MTERF2: variants seen among roughly 807,000 people sequenced by gnomAD.
MTERF2 encodes transcription termination factor 2, mitochondrial.
MTERF2 carries 23 observed loss-of-function variants against 29.2 expected under a neutral mutation model. The observed-to-expected ratio is 0.79, with a 90% CI of 0.57 to 1.12. The LOEUF is 1.12. MTERF2 is among the 50% of genes most tolerant of loss of function. The probability of loss-of-function intolerance (pLI) is 0.00; values close to 1 mark genes in which losing one functional copy is unlikely to be tolerated. For missense variants in MTERF2, 440 were observed against 429.4 expected, an observed-to-expected ratio of 1.02 and a Z score of -0.22; for synonymous variants, 157 against 159.5, an observed-to-expected ratio of 0.98 and a Z score of 0.12.
chr12:106,984,232 C>T (rs913218069), intron 2 of MTERF2, among the ~76,000 whole-genome samples: 3 of 152,154 alleles, frequency 2.0e-5, no homozygotes, highest in Non-Finnish European at 4.4e-5. Context: ...GCCATCACTC[C>T]ACTGCTCTTC....
rs758357195 is a variant in MTERF2 at position 106,978,146 on chromosome 12, A to T, written c.569T>A (p.Ile190Asn). The T allele has an allele frequency of 6.2e-6, 10 of 1,613,960 alleles. No individual in the cohort carries two copies. In the African/African-American group the frequency reaches 1.2e-4, roughly 19 times the overall value. ...TACATCTAGATAACTCTCTTGGAGA[A>T]TTCTTACCATTTGCTTATTCTTCTC... ...PVEKNKQMVR[I>N]LQESYLDVGG... Residue 190 changes from isoleucine (I) to asparagine (N), a missense_variant, in exon 3 of 3, where the codon ATT becomes AAT. Transcript: ENST00000240050.
chr12:106,983,778 C>T (rs989206534), intron 2 of MTERF2, among the ~76,000 whole-genome samples: 2 of 152,130 alleles, frequency 1.3e-5, no homozygotes, highest in Non-Finnish European at 1.5e-5. Flanking sequence ...TAGCTTTTGT[C>T]TCTAATTTGC....
intron 2 of MTERF2, among the ~76,000 whole-genome samples, chr12:106,982,680 T>G (rs1000264003): frequency 6.6e-6 from 1 of 152,226 alleles, no homozygotes; most frequent in Non-Finnish European, 1.5e-5. Context: ...TTTAGGCTAT[T>G]TGTAATTTTT....
chr12:106,978,400 A>G lies in MTERF2; in HGVS notation c.315T>C (p.Ile105=). 2 of 1,614,214 alleles carry G rather than the reference A, an allele frequency of 1.2e-6. No individual in the cohort carries two copies. Among genetic ancestry groups the G allele is most frequent in the Non-Finnish European group, 8.5e-7 (1 of 1,180,026 alleles). Residue 105 remains isoleucine, a synonymous_variant, in exon 3 of 3, where the codon ATT becomes ATC. Coordinates refer to ENST00000240050, the MANE Select transcript of MTERF2 (RefSeq NM_001033050.3). The part of the protein sequence containing the change: ...ASILERCPEA[I]VCSPTAVNTQ... ...TGTTAACAGCGGTTGGACTACAGACAATTGCTTCCGGGCAGCGTTCCAAAA... is the reference window on the plus strand; with the variant it reads ...TGTTAACAGCGGTTGGACTACAGACGATTGCTTCCGGGCAGCGTTCCAAAA...
At chr12:106,980,110 A>C (rs1368033075) in intron 2 of MTERF2, among the ~76,000 whole-genome samples, 1 of 152,058 alleles carries the variant, frequency 6.6e-6, no homozygotes, top group African/African-American at 2.4e-5. Flanking sequence ...GTTGGCCAGG[A>C]TGGTCTCGAT....
chr12:106,982,836 T>C lies in MTERF2; in HGVS notation c.-58+2279A>G, dbSNP rs926306936. 4.6e-5 allele frequency among the ~76,000 whole-genome samples: 7 copies of C among 152,352 alleles called. 1 individual carries two copies. Among genetic ancestry groups the C allele is most frequent in the Admixed American group, 6.5e-5 (1 of 15,304 alleles). ...TCCTGTCAGGAAAAACTATCTCAGT[T>C]GACATTCTCACAGGCAGTATGAGTG... On this transcript the variant is annotated intron_variant, in intron 2 of 2. Coordinates refer to ENST00000240050, the MANE Select transcript of MTERF2 (RefSeq NM_001033050.3).
In MTERF2 at chr12:106,977,584, A is replaced by G. The variant is rs1402174691; in HGVS notation, c.1131T>C (p.Pro377=). Residue 377 remains proline, a synonymous_variant, in exon 3 of 3, where the codon CCT becomes CCC. Transcript: ENST00000240050. ...ATTCTTCAACATTTAATGGTGCCACAGGGTTAAATAATGGCCTTACTTTTT... is the reference window on the plus strand; with the variant it reads ...ATTCTTCAACATTTAATGGTGCCACGGGGTTAAATAATGGCCTTACTTTTT... ...QAKKVRPLFN[P]VAPLNVEE The G allele has an allele frequency of 1.2e-6, 2 of 1,612,414 alleles. No individual in the cohort carries two copies. The highest frequency in any genetic ancestry group is 1.7e-5 in the Admixed American group (1 of 59,802).
chr12:106,982,393 G>A (rs1952062762), intron 2 of MTERF2, among the ~76,000 whole-genome samples: 1 of 152,220 alleles, frequency 6.6e-6, no homozygotes, highest in Non-Finnish European at 1.5e-5. Flanking sequence ...GTTATGAACT[G>A]TGATGTGTTC....
chr12:106,984,319 G>A (rs1054949795), intron 2 of MTERF2, among the ~76,000 whole-genome samples: 1 of 152,066 alleles, frequency 6.6e-6, no homozygotes, highest in Non-Finnish European at 1.5e-5. Context: ...CTTCACCTCA[G>A]CTAATTCTTG....
rs2287162 is a variant in MTERF2, at chr12:106,987,127, G to C, written c.-327C>G. ...AAGAAGCTCCCGACAGTTCTCAGCA[G>C]CGCCAACCAGGCCATCAGTCCCTTC... On this transcript the variant is annotated 5_prime_UTR_variant, in exon 1 of 3. Transcript: ENST00000240050. The C allele has an allele frequency of 0.66, 100,278 of 152,222 alleles. 33,886 individuals carry two copies. The highest frequency in any genetic ancestry group is 0.75 in the East Asian group (3,853 of 5,148). The allele number at this position is 152,222 out of a possible 1,614,324, so 9.4% of individuals were successfully genotyped here.
intron 2 of MTERF2, among the ~76,000 whole-genome samples, chr12:106,980,125 T>C (rs779405938): frequency 3.9e-5 from 6 of 152,130 alleles, no homozygotes; most frequent in Admixed American, 6.5e-5. Context: ...CTCGATCTCT[T>C]GACCTCGTGA....
chr12:106,982,292 T>A (rs1952061471), intron 2 of MTERF2, among the ~76,000 whole-genome samples: 1 of 152,214 alleles, frequency 6.6e-6, no homozygotes, highest in Admixed American at 6.5e-5. Context: ...GGTACTGAGG[T>A]TCTGAATTCA....
Position 106,987,055 on chromosome 12 carries a change from G to C in MTERF2, c.-255C>G, listed in dbSNP as rs1387850111. The C allele has an allele frequency of 6.6e-6, 1 of 152,650 alleles. No individual in the cohort carries two copies. Among genetic ancestry groups the C allele is most frequent in the Non-Finnish European group, 1.5e-5 (1 of 68,392 alleles). The allele number at this position is 152,650 out of a possible 1,614,324, so 9.5% of individuals were successfully genotyped here. ...TCTCTCTCCGGCCAGCCTCCCCACA[G>C]TCCGCAGTCCCCGAGGCCTGGAGCC... On this transcript the variant is annotated 5_prime_UTR_variant, in exon 1 of 3. Transcript: ENST00000240050.
rs1392426098 is a variant in MTERF2, at chr12:106,977,367, A to C, written c.*190T>G. ...AAGGTAAAAGTTACCAACCTTATTAAAATAAATATGATTTATATTTTATAA... is the reference window on the plus strand; with the variant it reads ...AAGGTAAAAGTTACCAACCTTATTACAATAAATATGATTTATATTTTATAA... On this transcript the variant is annotated 3_prime_UTR_variant, in exon 3 of 3. Coordinates refer to ENST00000240050, the MANE Select transcript of MTERF2 (RefSeq NM_001033050.3). 5 of 475,540 alleles carry C rather than the reference A, an allele frequency of 1.1e-5. No individual in the cohort carries two copies. Among genetic ancestry groups the C allele is most frequent in the Non-Finnish European group, 1.8e-5 (5 of 280,638 alleles). The allele number at this position is 475,540 out of a possible 1,614,324, so 29.5% of individuals were successfully genotyped here. A position where few individuals can be genotyped will look rare whatever the true frequency, so the allele number is the denominator to read the frequency against.
rs558083713 is a variant in MTERF2 at position 106,981,086 on chromosome 12, T to A, written c.-57-2315A>T. The stretch of plus-strand genomic sequence containing the variant: ...CGCAGCATGATGAAGCACAGGCAGA[T>A]CTGGGCTGGGATCCCGCTCCCCACT... On this transcript the variant is annotated intron_variant, in intron 2 of 2. Transcript: ENST00000240050. 2.6e-5 allele frequency among the ~76,000 whole-genome samples: 4 copies of A among 152,322 alleles called. No individual in the cohort carries two copies. The East Asian group carries it at 7.7e-4, about 29-fold the overall frequency.
At chr12:106,979,887 T>TA (rs570172829) in intron 2 of MTERF2, among the ~76,000 whole-genome samples, 14 of 151,564 alleles carry the variant, frequency 9.2e-5, no homozygotes, top group Non-Finnish European at 1.5e-4. Context: ...GAGAAAAACA[T>TA]AAACTTTTTT....
At chr12:106,982,634 T>G (rs901444028) in intron 2 of MTERF2, among the ~76,000 whole-genome samples, 2 of 152,248 alleles carry the variant, frequency 1.3e-5, no homozygotes, top group African/African-American at 4.8e-5. Flanking sequence ...GGGATGGATA[T>G]ACTGTTATTT....
intron 2 of MTERF2, among the ~76,000 whole-genome samples, chr12:106,983,241 A>G (rs1213762699): frequency 6.6e-6 from 1 of 152,184 alleles, no homozygotes; most frequent in Admixed American, 6.5e-5. Flanking sequence ...TATAGTCACA[A>G]TGTTGTACCA....
chr12:106,977,817 CT>C lies in MTERF2; in HGVS notation c.897del (p.Glu300LysfsTer8), dbSNP rs772273973. 1.2e-6 allele frequency: 2 copies of C among 1,613,920 alleles called. No individual in the cohort carries two copies. Among genetic ancestry groups the C allele is most frequent in the South Asian group, 1.1e-5 (1 of 91,086 alleles). ...PALLYYSVPV[L>X]EERMQGLLRE... ...CTCAATAATCCTTGCATTCTCTCTTCTAAAACTGGAACAGAATAATATAAAA... is the reference window on the plus strand; with the variant it reads ...CTCAATAATCCTTGCATTCTCTCTTCAAAACTGGAACAGAATAATATAAAA... On this transcript the variant is annotated frameshift_variant, in exon 3 of 3. Coordinates refer to ENST00000240050, the MANE Select transcript of MTERF2 (RefSeq NM_001033050.3). LOFTEE classifies it high-confidence loss of function.
Sources: allele counts gnomAD v4.1 joint callset (sites outside exome capture counted in the v4.1 genomes callset), GRCh38; gene constraint gnomAD v4.1.1; transcripts MANE v1.5; gene names NCBI Gene and HGNC (gene_info 2026-07-23, HGNC 2026-07-21).